VRK2: variants seen among roughly 807,000 people sequenced by gnomAD.
VRK2 encodes serine/threonine-protein kinase VRK2.
In VRK2, 60 loss-of-function variants were observed where a neutral mutation model predicts 57.6. That is an observed-to-expected ratio of 1.04 (90% confidence interval 0.85 to 1.29). VRK2 has a LOEUF of 1.29. Ranked by LOEUF, VRK2 falls within the 50% of genes most tolerant of loss-of-function variation. The pLI, the probability that VRK2 is intolerant of heterozygous loss-of-function variation, is 0.00. For missense variants in VRK2, 705 were observed against 588.1 expected (o/e 1.20, Z -2.06); for synonymous variants, 231 against 199.2 (o/e 1.16, Z -1.35).
chr2:58,068,298 G>C (rs765033764), intron 2 of VRK2, among the ~76,000 whole-genome samples: 1 of 152,078 alleles, frequency 6.6e-6, no homozygotes, highest in African/African-American at 2.4e-5. Flanking sequence ...ACCTGAGAAT[G>C]TCTTCATTTA....
Position 58,146,327 on chromosome 2 carries a change from A to G in VRK2, c.1035A>G (p.Gln345=). 6.2e-7 allele frequency: 1 copy of G among 1,609,000 alleles called. No individual in the cohort carries two copies. The highest frequency in any genetic ancestry group is 8.5e-7 in the Non-Finnish European group (1 of 1,177,152). Residue 345 remains glutamine (Q), a synonymous_variant, in exon 12 of 13, where the codon CAA becomes CAG. Coordinates refer to ENST00000340157, the MANE Select transcript of VRK2 (RefSeq NM_006296.7). ...HTPNSQKVDS[Q]KAATKQVNKA... is the part of the protein sequence containing the mutation. ...CTCTATACCAACAGGTTGATTCACA[A>G]AAGGCTGCAACAAAGCAAGTCAACA...
rs564797361 is a variant in VRK2, at chr2:58,036,620, A to C, written c.-6+3067A>C. 3.2e-4 allele frequency among the ~76,000 whole-genome samples: 48 copies of C among 152,140 alleles called. No individual in the cohort carries two copies. The South Asian group carries it at 9.3e-3, about 30-fold the overall frequency. On this transcript the variant is annotated intron_variant, in intron 3 of 15. Coordinates refer to the VRK2 transcript ENST00000417641. ...AATATATACAGAAATACTATGTAAA[A>C]CCAAAAAAAATGTAGTTTAGAATTA...
chr2:58,076,595 T>A (rs1670144692), intron 2 of VRK2, among the ~76,000 whole-genome samples: 1 of 152,002 alleles, frequency 6.6e-6, no homozygotes, highest in Non-Finnish European at 1.5e-5. Context: ...ATGATTATAT[T>A]TCTATTTAGG....
Position 57,966,774 on chromosome 2 carries a change from A to C in VRK2, c.-438-58891A>C, listed in dbSNP as rs559852987. 6.6e-5 allele frequency among the ~76,000 whole-genome samples: 10 copies of C among 152,332 alleles called. No homozygotes were observed. In the South Asian group the frequency reaches 1.7e-3, roughly 25 times the overall value. On this transcript the variant is annotated intron_variant, in intron 1 of 15. Transcript: ENST00000417641. ...TAGAATTATTTTTAAGAGAGTTACT[A>C]GTTTATGGAAGTTTTTTAGGGACAA...
chr2:58,131,824 T>A lies in VRK2; in HGVS notation c.693T>A (p.Ser231Arg). ...AHKGVALSRR[S>R]DVEILGYCML... is the part of the protein sequence containing the mutation. ...CTCCTATAGCCTTGTCCAGACGAAG[T>A]GACGTTGAGATCCTCGGCTACTGCA... The change falls in exon 9 of 13, where the codon AGT becomes AGA. Residue 231 changes from serine (S) to arginine (R), a missense_variant. By Grantham distance (110) the Ser-to-Arg change is moderately radical (BLOSUM62 -1). Coordinates refer to ENST00000340157, the MANE Select transcript of VRK2 (RefSeq NM_006296.7). 6.2e-7 allele frequency: 1 copy of A among 1,613,016 alleles called. No homozygotes were observed. The highest frequency in any genetic ancestry group is 8.5e-7 in the Non-Finnish European group (1 of 1,179,552).
rs531067439 is a variant in VRK2 at position 57,980,056 on chromosome 2, G to T, written c.-438-45609G>T. ...CTTCGTTCAGTTCAGCTTTGATTTT[G>T]GTTATTTCTTTTCTGCTACCTTTGG... On this transcript the variant is annotated intron_variant, in intron 1 of 15. Transcript: ENST00000417641. 3.9e-5 allele frequency among the ~76,000 whole-genome samples: 6 copies of T among 152,014 alleles called. No homozygotes were observed. In the East Asian group the frequency reaches 9.7e-4, roughly 24 times the overall value.
intron 12 of VRK2, among the ~76,000 whole-genome samples, chr2:58,154,010 G>C (rs1171037808): frequency 6.6e-6 from 1 of 152,034 alleles, no homozygotes; most frequent in African/African-American, 2.4e-5. Flanking sequence ...ATTTCATCTT[G>C]AGTTAGTTTT....
At chr2:58,028,895 A>AATAT (rs1461869416) in intron 2 of VRK2, among the ~76,000 whole-genome samples, 1 of 57,312 alleles carries the variant, frequency 1.7e-5, no homozygotes, top group African/African-American at 7.1e-5. Flanking sequence ...TAAATAAATA[A>AATAT]ATAAATAAAT....
chr2:58,079,762 G>T (rs1238054276), intron 2 of VRK2, among the ~76,000 whole-genome samples: 1 of 151,872 alleles, frequency 6.6e-6, no homozygotes, highest in Non-Finnish European at 1.5e-5. Context: ...TCTGGAATCA[G>T]CCATTTCTCC....
chr2:57,981,202 C>T (rs938689102), intron 1 of VRK2, among the ~76,000 whole-genome samples: 1 of 152,150 alleles, frequency 6.6e-6, no homozygotes, highest in Admixed American at 6.6e-5. Context: ...TTAGCACTCC[C>T]TTAAGGACCT....
At chr2:58,143,795 T>A (rs1261449131) in intron 11 of VRK2, among the ~76,000 whole-genome samples, 1 of 151,888 alleles carries the variant, frequency 6.6e-6, no homozygotes, top group Non-Finnish European at 1.5e-5. Context: ...ATTGCAACAC[T>A]ATTCACAATA....
intron 12 of VRK2, among the ~76,000 whole-genome samples, chr2:58,159,049 T>C (rs532472266): frequency 6.6e-6 from 1 of 152,242 alleles, no homozygotes; most frequent in African/African-American, 2.4e-5. Context: ...GCCAAGAAAA[T>C]TCAGTTTTCA....
At chr2:58,058,970 C>A (rs1255567638) in intron 2 of VRK2, among the ~76,000 whole-genome samples, 3 of 151,990 alleles carry the variant, frequency 2.0e-5, no homozygotes, top group African/African-American at 7.2e-5. Flanking sequence ...ATAACAAGCT[C>A]ATTTCTAAAG....
At chr2:57,915,150 T>C (rs1670106414) in intron 1 of VRK2, among the ~76,000 whole-genome samples, 1 of 152,146 alleles carries the variant, frequency 6.6e-6, no homozygotes, top group African/African-American at 2.4e-5. Flanking sequence ...CGAATAGGAA[T>C]AGTTACCTCA....
intron 9 of VRK2, among the ~76,000 whole-genome samples, chr2:58,132,791 C>T (rs1679410535): frequency 6.6e-6 from 1 of 152,132 alleles, no homozygotes; most frequent in Non-Finnish European, 1.5e-5. Flanking sequence ...AAAGATTAGC[C>T]TGCAGATTCA....
exon 2 of VRK2, chr2:58,025,701 C>G (rs1414869589): frequency 6.6e-6 from 1 of 152,096 alleles, no homozygotes; most frequent in Non-Finnish European, 1.5e-5. Context: ...TAAGGATGCC[C>G]TTCTGTTTTG....
chr2:58,120,728 G>A (rs1677361621), intron 7 of VRK2, among the ~76,000 whole-genome samples: 1 of 152,142 alleles, frequency 6.6e-6, no homozygotes, highest in Non-Finnish European at 1.5e-5. Context: ...TGAGATACAA[G>A]TTTTCTATCA....
intron 1 of VRK2, among the ~76,000 whole-genome samples, chr2:58,015,158 A>G (rs548888145): frequency 6.6e-6 from 1 of 152,270 alleles, no homozygotes; most frequent in South Asian, 2.1e-4. Context: ...AATCAAGAAC[A>G]CCTATTAAGT....
At chr2:57,936,875 C>G (rs919560891) in intron 1 of VRK2, among the ~76,000 whole-genome samples, 1 of 152,174 alleles carries the variant, frequency 6.6e-6, no homozygotes, top group Non-Finnish European at 1.5e-5. Flanking sequence ...TGCTAAAACT[C>G]TAACACTTCT....
Sources: allele counts gnomAD v4.1 joint callset (sites outside exome capture counted in the v4.1 genomes callset), GRCh38; gene constraint gnomAD v4.1.1; transcripts MANE v1.5; gene names NCBI Gene and HGNC (gene_info 2026-07-23, HGNC 2026-07-21).